ITGB1BP1: variants seen among roughly 807,000 people sequenced by gnomAD.
ITGB1BP1 encodes integrin subunit beta 1 binding protein 1, also known as integrin beta-1-binding protein 1.
ITGB1BP1 carries 20 observed loss-of-function variants against 28.0 expected under a neutral mutation model. The ratio of observed to expected loss-of-function variants is 0.71; its 90% confidence interval spans 0.50 to 1.04. ITGB1BP1 has a LOEUF of 1.04. ITGB1BP1 is among the 50% of genes least tolerant of loss of function. The pLI, the probability that ITGB1BP1 is intolerant of heterozygous loss-of-function variation, is 0.00. For synonymous variants in ITGB1BP1, 103 were observed against 89.5 expected, an observed-to-expected ratio of 1.15 and a Z score of -0.85; for missense variants, 228 against 242.5, an observed-to-expected ratio of 0.94 and a Z score of 0.40.
At chr2:9,411,411 T>C (rs1158873664) in intron 4 of ITGB1BP1, among the ~76,000 whole-genome samples, 2 of 152,122 alleles carry the variant, frequency 1.3e-5, no homozygotes, top group African/African-American at 2.4e-5. Context: ...TTAAATAGGA[T>C]TGATCAGCCC....
intron 5 of ITGB1BP1, 149 bp from the exon 6 acceptor site, chr2:9,407,747 C>T: frequency 1.2e-6 from 1 of 829,432 alleles, no homozygotes; most frequent in Non-Finnish European, 1.9e-6. Context: ...CAGTCTCGGG[C>T]AATGCCTTCA....
chr2:9,407,899 G>C (rs573875205), intron 5 of ITGB1BP1: 4 of 568,920 alleles, frequency 7.0e-6, no homozygotes, highest in South Asian at 2.3e-5. Flanking sequence ...TTTGGGGGTG[G>C]GGGGGGCAGG....
intron 1 of ITGB1BP1, chr2:9,422,999 G>T (rs1286633608): frequency 2.0e-5 from 20 of 988,206 alleles, no homozygotes; most frequent in Non-Finnish European, 2.3e-5. Flanking sequence ...CCTTCCAAGC[G>T]CTGGGTGCGG....
Position 9,406,766 on chromosome 2 carries a change from A to T in ITGB1BP1, c.*68T>A. 1 of 1,015,374 alleles carries T rather than the reference A, an allele frequency of 9.8e-7. No individual in the cohort carries two copies. The highest frequency in any genetic ancestry group is 1.6e-6 in the Non-Finnish European group (1 of 633,238). The allele number at this position is 1,015,374 out of a possible 1,614,324, so 62.9% of individuals were successfully genotyped here. A position where few individuals can be genotyped will look rare whatever the true frequency, so the allele number is the denominator to read the frequency against. ...GGGATAACTTCATTATTTGCATAAC[A>T]TTTCAGCATTGCAGTTTGAAAACAG... On this transcript the variant is annotated 3_prime_UTR_variant, in exon 7 of 7. Transcript: ENST00000355346.
Position 9,414,196 on chromosome 2 carries a change from CTG to C in ITGB1BP1, c.131_132del (p.Thr44ArgfsTer12). On this transcript the variant is annotated frameshift_variant, in exon 3 of 7. Coordinates refer to ENST00000355346, the MANE Select transcript of ITGB1BP1 (RefSeq NM_004763.5). LOFTEE classifies it high-confidence loss of function. ...SRSSTVASLD[T>X]DSTKSSGQSN... ...TATGTACCTGAGCTTTTGGTGGAAT[CTG>C]TGTCGAGGCTGGCCACAGTGCTGGA... 2 of 1,613,972 alleles carry C rather than the reference CTG, an allele frequency of 1.2e-6. No homozygotes were observed. Among genetic ancestry groups the C allele is most frequent in the Non-Finnish European group, 1.7e-6 (2 of 1,179,844 alleles).
intron 1 of ITGB1BP1, 32 bp from the exon 2 acceptor site, chr2:9,418,764 C>G: frequency 7.5e-7 from 1 of 1,337,882 alleles, no homozygotes; most frequent in African/African-American, 1.5e-5. Flanking sequence ...ACAGTTACAT[C>G]GGGAAAAGCA....
intron 4 of ITGB1BP1, among the ~76,000 whole-genome samples, chr2:9,411,306 A>G (rs1381384309): frequency 6.6e-6 from 1 of 152,264 alleles, no homozygotes; most frequent in Non-Finnish European, 1.5e-5. Context: ...ATTGAGAGAC[A>G]GAACTGGTCT....
chr2:9,414,096 G>A, intron 3 of ITGB1BP1, 82 bp downstream of exon 3: 1 of 1,126,720 alleles, frequency 8.9e-7, no homozygotes. Flanking sequence ...AAATACTGAA[G>A]AACTCATTGT....
chr2:9,412,062 A>AAAG, intron 4 of ITGB1BP1: 1 of 472,212 alleles, frequency 2.1e-6, no homozygotes, highest in South Asian at 3.1e-5. Context: ...AAAAAAAAAA[A>AAAG]AGTACCGTGT....
intron 1 of ITGB1BP1, among the ~76,000 whole-genome samples, chr2:9,420,898 A>G (rs1230798637): frequency 3.3e-5 from 5 of 152,216 alleles, no homozygotes; most frequent in African/African-American, 1.2e-4. Flanking sequence ...TCCACTGGAT[A>G]AGGGTAAAAA....
chr2:9,412,076 A>G, intron 4 of ITGB1BP1, 193 bp downstream of exon 4: 1 of 501,152 alleles, frequency 2.0e-6, no homozygotes, highest in Non-Finnish European at 3.5e-6. Flanking sequence ...ACCGTGTTTG[A>G]AGGGAGGAAC....
rs367745993 is a variant in ITGB1BP1, at chr2:9,416,137, C to T, written c.73-1881G>A. On this transcript the variant is annotated intron_variant, in intron 2 of 6. Transcript: ENST00000355346. Reference sequence around the variant, plus strand: ...CCCACTCACTCACTCATTGACCCGACTCAGCCTCCAGCTTCCTGCCTGTGC... The same window carrying T: ...CCCACTCACTCACTCATTGACCCGATTCAGCCTCCAGCTTCCTGCCTGTGC... 7.9e-4 allele frequency among the ~76,000 whole-genome samples: 120 copies of T among 152,334 alleles called. 1 individual carries two copies. The highest frequency in any genetic ancestry group is 2.8e-3 in the African/African-American group (118 of 41,580).
intron 1 of ITGB1BP1, chr2:9,422,415 A>ACGCGC: frequency 1.0e-6 from 1 of 985,494 alleles, no homozygotes; most frequent in Non-Finnish European, 1.2e-6. Flanking sequence ...GCGATGCTCC[A>ACGCGC]CGCGCCCCTG....
Position 9,404,183 on chromosome 2 carries a change from T to C in ITGB1BP1, c.*2651A>G, listed in dbSNP as rs1015892364. On this transcript the variant is annotated 3_prime_UTR_variant, in exon 7 of 7. Coordinates refer to ENST00000355346, the MANE Select transcript of ITGB1BP1 (RefSeq NM_004763.5). ...TAGAATTCTGTGGCGCAGACCATGC[T>C]GTATTAACACATCACTTGCTGTTTC... 1 of 152,252 alleles carries C rather than the reference T, an allele frequency of 6.6e-6. No individual in the cohort carries two copies. The highest frequency in any genetic ancestry group is 2.4e-5 in the African/African-American group (1 of 41,472). The allele number at this position is 152,252 out of a possible 1,614,324, so 9.4% of individuals were successfully genotyped here. A position where few individuals can be genotyped will look rare whatever the true frequency, so the allele number is the denominator to read the frequency against.
chr2:9,414,379 T>C, intron 2 of ITGB1BP1, 123 bp from the exon 3 acceptor site: 1 of 667,150 alleles, frequency 1.5e-6, no homozygotes, highest in Non-Finnish European at 2.6e-6. Flanking sequence ...ATGTCAATTA[T>C]TCAGGCATAT....
rs879815074 is a variant in ITGB1BP1 at position 9,406,061 on chromosome 2, GTCTTCCTCA to G, written c.*764_*772del. 1.6e-5 allele frequency: 2 copies of G among 124,718 alleles called. No homozygotes were observed. Among genetic ancestry groups the G allele is most frequent in the Non-Finnish European group, 3.5e-5 (2 of 56,460 alleles). The allele number at this position is 124,718 out of a possible 1,614,324, so 7.7% of individuals were successfully genotyped here. A position where few individuals can be genotyped will look rare whatever the true frequency, so the allele number is the denominator to read the frequency against. On this transcript the variant is annotated 3_prime_UTR_variant, in exon 7 of 7. Transcript: ENST00000355346. Reference sequence around the variant, plus strand: ...ACTGAGTGGACCTCTGTGACATCTCGTCTTCCTCAGGCCTTCAGTGTGTGTTTGTCACTG... The same window carrying G: ...ACTGAGTGGACCTCTGTGACATCTCGGGCCTTCAGTGTGTGTTTGTCACTG...
Position 9,408,174 on chromosome 2 carries a change from T to G in ITGB1BP1, c.320A>C (p.Glu107Ala), listed in dbSNP as rs1240725638. ...QDGKLPFVPP[E>A]EEFIMGVSKY... ...GGAAACTCCCATAATAAATTCTTCC[T>G]CCGGAGGAACAAAAGGCAACTTTCC... The change falls in exon 5 of 7, where the codon GAG becomes GCG. Residue 107 changes from glutamate to alanine, a missense_variant. Glu to Ala is a moderately radical substitution (Grantham distance 107). Coordinates refer to ENST00000355346, the MANE Select transcript of ITGB1BP1 (RefSeq NM_004763.5). The G allele has an allele frequency of 4.4e-6, 7 of 1,603,130 alleles. No homozygotes were observed. The African/African-American group carries it at 9.4e-5, about 21-fold the overall frequency.
At chr2:9,417,810 T>TA (rs1679337932) in intron 2 of ITGB1BP1, among the ~76,000 whole-genome samples, 1 of 152,098 alleles carries the variant, frequency 6.6e-6, no homozygotes, top group Non-Finnish European at 1.5e-5. Flanking sequence ...CCCCCCGTGT[T>TA]AGTTTCCACC....
chr2:9,407,961 A>G (rs1241836692), intron 5 of ITGB1BP1, 152 bp downstream of exon 5: 6 of 607,198 alleles, frequency 9.9e-6, no homozygotes, highest in Non-Finnish European at 1.8e-5. Flanking sequence ...TATTCACCTT[A>G]AGAAATTGGT....
Sources: gnomAD v4.1 joint callset for allele counts (sites outside exome capture counted in the v4.1 genomes callset) on GRCh38, gnomAD v4.1.1 for gene constraint, MANE v1.5 for transcripts, NCBI Gene and HGNC (gene_info 2026-07-23, HGNC 2026-07-21) for gene names.